Variants in METTL24 observed in about 807,000 individuals in gnomAD.
The protein encoded by METTL24 is methyltransferase like 24, also known as probable methyltransferase-like protein 24.
METTL24 carries 29 observed loss-of-function variants against 32.7 expected under a neutral mutation model. The ratio of observed to expected loss-of-function variants is 0.89; its 90% CI spans 0.66 to 1.21. The LOEUF (loss-of-function observed/expected upper bound fraction) is 1.21. Ranked by LOEUF, METTL24 falls within the 50% of genes most tolerant of loss-of-function variation. The pLI is 0.00. For missense variants in METTL24, 439 were observed against 468.1 expected, an observed-to-expected ratio of 0.94 and a Z score of 0.57; for synonymous variants, 163 against 179.5, an observed-to-expected ratio of 0.91 and a Z score of 0.73.
chr6:110,343,325 A>T (rs191894449), intron 1 of METTL24, among the ~76,000 whole-genome samples: 2 of 152,336 alleles, frequency 1.3e-5, no homozygotes, highest in East Asian at 3.9e-4. Context: ...GGATGAGGGG[A>T]CCAGCACTGG....
chr6:110,296,143 G>A (rs1771414650), intron 4 of METTL24, among the ~76,000 whole-genome samples: 1 of 152,160 alleles, frequency 6.6e-6, no homozygotes, highest in Admixed American at 6.5e-5. Context: ...GTTATTCAGA[G>A]TTATCAGCAG....
At chr6:110,284,220 G>A (rs1771182846) in intron 4 of METTL24, among the ~76,000 whole-genome samples, 1 of 152,136 alleles carries the variant, frequency 6.6e-6, no homozygotes, top group African/African-American at 2.4e-5. Context: ...GGGGCAAGGG[G>A]AGTTATTGTT....
At chr6:110,327,938 G>T (rs1013560400) in intron 1 of METTL24, among the ~76,000 whole-genome samples, 1 of 152,180 alleles carries the variant, frequency 6.6e-6, no homozygotes, top group African/African-American at 2.4e-5. Flanking sequence ...CTCCCAGGAG[G>T]TGGGAACGTG....
chr6:110,291,535 G>T (rs1389908812), intron 4 of METTL24, among the ~76,000 whole-genome samples: 1 of 151,636 alleles, frequency 6.6e-6, no homozygotes, highest in Non-Finnish European at 1.5e-5. Flanking sequence ...CTTCATTGCA[G>T]ATTTTTAAAA....
intron 3 of METTL24, among the ~76,000 whole-genome samples, chr6:110,310,646 T>C (rs998808983): frequency 6.6e-6 from 1 of 152,210 alleles, no homozygotes; most frequent in Non-Finnish European, 1.5e-5. Context: ...AAGGATCTAA[T>C]TTTCATTTTC....
intron 3 of METTL24, among the ~76,000 whole-genome samples, chr6:110,310,736 G>C (rs1771706892): frequency 6.6e-6 from 1 of 152,138 alleles, no homozygotes; most frequent in African/African-American, 2.4e-5. Context: ...TTGACTCCTA[G>C]TAAATAAACT....
intron 4 of METTL24, 25 bp downstream of exon 4, chr6:110,298,886 CTTTATTCAAGT>C (rs1459543129): frequency 6.3e-7 from 1 of 1,581,602 alleles, no homozygotes; most frequent in Non-Finnish European, 8.7e-7. Flanking sequence ...GGTTTGTTTA[CTTTATTCAAGT>C]ATAAAATCAA....
chr6:110,249,796 T>C (rs1434427530), intron 4 of METTL24, among the ~76,000 whole-genome samples: 1 of 151,944 alleles, frequency 6.6e-6, no homozygotes, highest in African/African-American at 2.4e-5. Context: ...AACTTAAGGT[T>C]AACTCCCAGA....
chr6:110,344,232 A>T (rs1305670782), intron 1 of METTL24, among the ~76,000 whole-genome samples: 1 of 152,196 alleles, frequency 6.6e-6, no homozygotes, highest in Non-Finnish European at 1.5e-5. Context: ...ATGGTCAGAA[A>T]GTCCCAAAAC....
intron 2 of METTL24, among the ~76,000 whole-genome samples, chr6:110,315,913 C>T (rs1299325114): frequency 1.3e-5 from 2 of 152,164 alleles, no homozygotes; most frequent in Non-Finnish European, 2.9e-5. Flanking sequence ...TCGTTACTCA[C>T]AGAGTCCCTA....
At chr6:110,264,690 C>T (rs1185597539) in intron 4 of METTL24, among the ~76,000 whole-genome samples, 2 of 152,220 alleles carry the variant, frequency 1.3e-5, no homozygotes, top group Middle Eastern at 3.4e-3. Context: ...TATTGTGGCA[C>T]TATTCACAAT....
intron 4 of METTL24, among the ~76,000 whole-genome samples, chr6:110,288,863 T>C (rs1406505805): frequency 6.6e-6 from 1 of 152,166 alleles, no homozygotes; most frequent in African/African-American, 2.4e-5. Context: ...AGCCCATTCA[T>C]TGTTTAAAGC....
intron 1 of METTL24, among the ~76,000 whole-genome samples, chr6:110,343,503 T>C (rs939588369): frequency 6.6e-6 from 1 of 152,220 alleles, no homozygotes; most frequent in East Asian, 1.9e-4. Flanking sequence ...AATTCTGCCT[T>C]CTGCCAGAGT....
At chr6:110,333,836 C>A (rs1772156248) in intron 1 of METTL24, among the ~76,000 whole-genome samples, 1 of 152,166 alleles carries the variant, frequency 6.6e-6, no homozygotes, top group South Asian at 2.1e-4. Flanking sequence ...AGTTATATTT[C>A]TTGATAACTG....
In METTL24 at chr6:110,287,716, C is replaced by T. The variant is rs116061712; in HGVS notation, c.786+11206G>A. 6.3e-3 allele frequency among the ~76,000 whole-genome samples: 955 copies of T among 152,218 alleles called. 17 individuals carry two copies. The highest frequency in any genetic ancestry group is 0.022 in the African/African-American group (908 of 41,536). ...GGTATTCAAATTTTCATGCCTTGTA[C>T]GTTTTGTTTAGCAAGGTGCTGGAGA... is the stretch of plus-strand genomic sequence containing the variant. On this transcript the variant is annotated intron_variant, in intron 4 of 4. Coordinates refer to ENST00000338882, the MANE Select transcript of METTL24 (RefSeq NM_001123364.3).
chr6:110,294,163 A>G (rs1283275971), intron 4 of METTL24, among the ~76,000 whole-genome samples: 1 of 151,936 alleles, frequency 6.6e-6, no homozygotes, highest in Admixed American at 6.6e-5. Flanking sequence ...GTGTATGGTG[A>G]GAGAGAGTGA....
At chr6:110,332,729 A>C (rs987098720) in intron 1 of METTL24, among the ~76,000 whole-genome samples, 5 of 151,892 alleles carry the variant, frequency 3.3e-5, no homozygotes, top group Admixed American at 2.0e-4. Context: ...GCAACAAAGC[A>C]AGACCCTCAT....
intron 3 of METTL24, among the ~76,000 whole-genome samples, chr6:110,302,643 A>ACACG (rs1381680903): frequency 6.7e-5 from 9 of 133,808 alleles, no homozygotes; most frequent in Non-Finnish European, 1.1e-4. Context: ...ACACACACAT[A>ACACG]TGTGTATATA....
At chr6:110,301,297 C>A (rs116288031) in intron 3 of METTL24, among the ~76,000 whole-genome samples, 1,718 of 152,318 alleles carry the variant, frequency 0.011, 36 homozygotes, top group African/African-American at 0.038. Flanking sequence ...GTCTCTACCC[C>A]AGTTTTCCAT....
Sources: allele counts gnomAD v4.1 joint callset (sites outside exome capture counted in the v4.1 genomes callset), GRCh38; gene constraint gnomAD v4.1.1; transcripts MANE v1.5; gene names NCBI Gene and HGNC (gene_info 2026-07-23, HGNC 2026-07-21).